Variants in PHKB observed in about 807,000 individuals in gnomAD.
PHKB encodes phosphorylase b kinase regulatory subunit beta.
Under a neutral mutation model 152.1 loss-of-function variants are expected in PHKB, and 122 were observed. The observed-to-expected ratio is 0.80, with a 90% confidence interval of 0.69 to 0.93. The LOEUF (loss-of-function observed/expected upper bound fraction) is 0.93. PHKB is among the 40% of genes least tolerant of loss of function. PHKB has a pLI of 0.00. For synonymous variants in PHKB, 436 were observed against 464.9 expected, an observed-to-expected ratio of 0.94 and a Z score of 0.80; for missense variants, 1,304 against 1,328.4, an observed-to-expected ratio of 0.98 and a Z score of 0.29.
intron 7 of PHKB, among the ~76,000 whole-genome samples, chr16:47,578,896 G>A (rs896392064): frequency 3.3e-5 from 5 of 152,022 alleles, no homozygotes; most frequent in African/African-American, 1.2e-4. Context: ...TTGCTAGGCT[G>A]CTCTTCTCCT....
At chr16:47,671,858 A>G (rs1487400976) in intron 26 of PHKB, among the ~76,000 whole-genome samples, 3 of 152,176 alleles carry the variant, frequency 2.0e-5, no homozygotes, top group African/African-American at 2.4e-5. Context: ...TGTGCTACCT[A>G]CAGTGAACAA....
At chr16:47,496,337 T>C (rs1970232319) in intron 1 of PHKB, among the ~76,000 whole-genome samples, 1 of 151,568 alleles carries the variant, frequency 6.6e-6, no homozygotes, top group Non-Finnish European at 1.5e-5. Flanking sequence ...ATACACTCTT[T>C]CTTTACTTTC....
At chr16:47,548,144 G>A (rs1472316256) in intron 7 of PHKB, 3 of 153,526 alleles carry the variant, frequency 2.0e-5, no homozygotes, top group African/African-American at 4.8e-5. Context: ...AGTAGCTTTA[G>A]TGACTGATTG....
intron 14 of PHKB, among the ~76,000 whole-genome samples, chr16:47,613,435 G>T (rs1214108519): frequency 6.6e-6 from 1 of 152,132 alleles, no homozygotes; most frequent in Non-Finnish European, 1.5e-5. Context: ...ATGTAGGCAT[G>T]CAGCATCTCA....
intron 1 of PHKB, among the ~76,000 whole-genome samples, chr16:47,491,396 G>C (rs990915806): frequency 1.3e-5 from 2 of 152,100 alleles, no homozygotes; most frequent in African/African-American, 4.8e-5. Context: ...TATCTAACCT[G>C]CATAATTTAG....
At position 47,669,945 on chromosome 16, in the gene PHKB, A is replaced by G. The variant is rs143375972; in HGVS notation, c.2630+528A>G. Reference sequence around the variant, plus strand: ...TTTGTAATCAAGGATTTTATGAGGCAGCATGGTGTAGGAAAAATTAACCAG... The same window carrying G: ...TTTGTAATCAAGGATTTTATGAGGCGGCATGGTGTAGGAAAAATTAACCAG... On this transcript the variant is annotated intron_variant, in intron 26 of 30. Transcript: ENST00000323584. Among the ~76,000 whole-genome samples the G allele has an allele frequency of 7.6e-3, 1,158 of 152,344 alleles. 19 individuals carry two copies. The highest frequency in any genetic ancestry group is 0.026 in the African/African-American group (1,093 of 41,584).
At chr16:47,654,928 T>C (rs948885911) in intron 20 of PHKB, among the ~76,000 whole-genome samples, 1 of 151,730 alleles carries the variant, frequency 6.6e-6, no homozygotes, top group Non-Finnish European at 1.5e-5. Flanking sequence ...GTTGTGCACA[T>C]GTACCCCAAA....
intron 26 of PHKB, among the ~76,000 whole-genome samples, chr16:47,672,323 C>G (rs1015280184): frequency 6.6e-6 from 1 of 152,064 alleles, no homozygotes; most frequent in African/African-American, 2.4e-5. Context: ...TCTGTTTGCC[C>G]TGATATTTTC....
intron 16 of PHKB, among the ~76,000 whole-genome samples, chr16:47,642,716 CA>C (rs1411295783): frequency 6.6e-6 from 1 of 152,138 alleles, no homozygotes; most frequent in Non-Finnish European, 1.5e-5. Flanking sequence ...TTAGGCAACA[CA>C]AACCAGAACC....
intron 20 of PHKB, among the ~76,000 whole-genome samples, chr16:47,657,755 A>T (rs1555496330): frequency 6.6e-6 from 1 of 152,114 alleles, no homozygotes; most frequent in Non-Finnish European, 1.5e-5. Flanking sequence ...ATTAAATAGA[A>T]TTTTTTTCTG....
At chr16:47,585,813 A>G (rs975403693) in intron 8 of PHKB, among the ~76,000 whole-genome samples, 2 of 152,240 alleles carry the variant, frequency 1.3e-5, no homozygotes, top group East Asian at 3.8e-4. Context: ...GGCTGTTTAC[A>G]TTAATCAAGT....
intron 6 of PHKB, among the ~76,000 whole-genome samples, chr16:47,516,579 C>T (rs552384281): frequency 6.6e-6 from 1 of 152,272 alleles, no homozygotes; most frequent in East Asian, 1.9e-4. Context: ...TACTATTCCT[C>T]TCCTGTGATC....
At chr16:47,671,695 A>G (rs1462112046) in intron 26 of PHKB, among the ~76,000 whole-genome samples, 1 of 152,200 alleles carries the variant, frequency 6.6e-6, no homozygotes, top group Non-Finnish European at 1.5e-5. Flanking sequence ...TCATCCAAGG[A>G]GTTCACAGTA....
intron 13 of PHKB, among the ~76,000 whole-genome samples, chr16:47,605,760 C>A (rs1972311555): frequency 6.6e-6 from 1 of 150,968 alleles, no homozygotes; most frequent in African/African-American, 2.4e-5. Flanking sequence ...TAATATGCAA[C>A]CTGATTTCGA....
chr16:47,477,487 C>G (rs1344794365), intron 1 of PHKB, among the ~76,000 whole-genome samples: 2 of 152,024 alleles, frequency 1.3e-5, no homozygotes, highest in African/African-American at 2.4e-5. Flanking sequence ...GAATAAAATT[C>G]AGTTTATTTA....
At chr16:47,699,008 C>A (rs769282835) in intron 30 of PHKB, 13 of 572,732 alleles carry the variant, frequency 2.3e-5, no homozygotes, top group Non-Finnish European at 3.4e-5. Flanking sequence ...AAGAGGTTCT[C>A]TAAGTAAATA....
At chr16:47,566,043 T>C (rs1971559470) in intron 7 of PHKB, 2 of 680,700 alleles carry the variant, frequency 2.9e-6, no homozygotes. Flanking sequence ...TCTGTAGTCA[T>C]CATCCCTGTG....
chr16:47,699,026 T>C (rs1974203516), intron 30 of PHKB: 1 of 595,460 alleles, frequency 1.7e-6, no homozygotes, highest in African/African-American at 1.9e-5. Context: ...ATAAAAATTA[T>C]CAACAAAGGA....
intron 6 of PHKB, among the ~76,000 whole-genome samples, chr16:47,542,717 T>G (rs1971082487): frequency 6.6e-6 from 1 of 152,228 alleles, no homozygotes; most frequent in African/African-American, 2.4e-5. Context: ...GTCCTTCAGA[T>G]CCCTTGTAAG....
Sources: gnomAD v4.1 joint callset for allele counts (sites outside exome capture counted in the v4.1 genomes callset) on GRCh38, gnomAD v4.1.1 for gene constraint, MANE v1.5 for transcripts, NCBI Gene and HGNC (gene_info 2026-07-23, HGNC 2026-07-21) for gene names.